Variants in RASIP1 observed in about 807,000 individuals in gnomAD.
RASIP1 encodes Ras interacting protein 1.
RASIP1 carries 20 observed loss-of-function variants against 85.3 expected under a neutral mutation model. That is an observed-to-expected ratio of 0.23 (90% confidence interval 0.17 to 0.34). The LOEUF (loss-of-function observed/expected upper bound fraction) is 0.34, where lower values mean the gene tolerates loss of function less well. RASIP1 is among the 10% of genes least tolerant of loss of function. The pLI is 1.00. For missense variants in RASIP1, 1,170 were observed against 1,390.9 expected (o/e 0.84, Z 2.53); for synonymous variants, 617 against 647.1 (o/e 0.95, Z 0.71).
In RASIP1 at chr19:48,740,277, C is replaced by T. The variant is rs757828023; in HGVS notation, c.6G>A (p.Leu2=). The T allele has an allele frequency of 1.3e-5, 21 of 1,584,536 alleles. No homozygotes were observed. In the Admixed American group the frequency reaches 3.9e-4, roughly 29 times the overall value. Residue 2 remains leucine, a synonymous_variant, in exon 2 of 12, where the codon CTG becomes CTA. Coordinates refer to ENST00000222145, the MANE Select transcript of RASIP1 (RefSeq NM_017805.3). The surrounding 1 kb of genome is among the most constrained non-coding windows in gnomAD (Gnocchi z 5.5). The part of the protein sequence containing the change: M[L]SGERKEGGSP... ...TTCCGCCCTCCTTCCGTTCACCAGACAGCATGGCCCTAAGGGAAGGCGGGT... is the reference window on the plus strand; with the variant it reads ...TTCCGCCCTCCTTCCGTTCACCAGATAGCATGGCCCTAAGGGAAGGCGGGT...
rs780598081 is a variant in RASIP1, at chr19:48,724,304, G to T, written c.2544+33C>A. On this transcript the variant is annotated intron_variant, in intron 10 of 11. Transcript: ENST00000222145. The surrounding 1 kb of genome is among the most constrained non-coding windows in gnomAD (Gnocchi z 4.6). ...GCTGAGGGGGGTTGAGGAGTCAGAG[G>T]TCAGGGGTCAGGTATAGCTGACCAG... 1 of 1,599,428 alleles carries T rather than the reference G, an allele frequency of 6.3e-7. No homozygotes were observed. The highest frequency in any genetic ancestry group is 1.7e-5 in the Admixed American group (1 of 59,212).
In RASIP1 at chr19:48,720,646, C is replaced by G; in HGVS notation, c.*152G>C. The G allele has an allele frequency of 1.2e-6, 1 of 812,088 alleles. No homozygotes were observed. 50.3% of individuals were successfully genotyped at this position (812,088 alleles called of 1,614,324 possible). ...TTCACATCCTAAGCCCATGCTCCCACCGTCCCATCCGCTACTTCCCGAAAA... is the reference window on the plus strand; with the variant it reads ...TTCACATCCTAAGCCCATGCTCCCAGCGTCCCATCCGCTACTTCCCGAAAA... On this transcript the variant is annotated 3_prime_UTR_variant, in exon 12 of 12. Transcript: ENST00000222145.
Position 48,721,080 on chromosome 19 carries a change from C to A in RASIP1, c.2693-83G>T, listed in dbSNP as rs929604478. ...CGGGAAGAGCCGAGGCTGCGTCACA[C>A]CCAAAGGAAGAAAAAAACTACAAAC... On this transcript the variant is annotated intron_variant, in intron 11 of 11. Transcript: ENST00000222145. 6.5e-6 allele frequency: 8 copies of A among 1,238,528 alleles called. No homozygotes were observed. In the East Asian group the frequency reaches 1.0e-4, roughly 16 times the overall value. The allele number at this position is 1,238,528 out of a possible 1,614,324, so 76.7% of individuals were successfully genotyped here.
intron 3 of RASIP1, among the ~76,000 whole-genome samples, chr19:48,735,884 C>T (rs2033561628): frequency 6.6e-6 from 1 of 151,842 alleles, no homozygotes; most frequent in Non-Finnish European, 1.5e-5. Flanking sequence ...CAACCTCTGC[C>T]TCCCAGGTTC....
In RASIP1 at chr19:48,729,246, C is replaced by T; in HGVS notation, c.1524G>A (p.Gly508=). ...ARPPWLPARP[G]ATPPGPGWAF... ...CCCAGCCAGGGCCTGGCGGCGTGGC[C>T]CCGGGGCGCGCGGGCAGCCACGGCG... Residue 508 remains glycine (G), a synonymous_variant, in exon 5 of 12, where the codon GGG becomes GGA. Transcript: ENST00000222145. The T allele has an allele frequency of 1.4e-6, 2 of 1,444,408 alleles. No individual in the cohort carries two copies. The highest frequency in any genetic ancestry group is 1.8e-6 in the Non-Finnish European group (2 of 1,104,920). 89.5% of individuals were successfully genotyped at this position (1,444,408 alleles called of 1,614,324 possible).
rs930073175 is a variant in RASIP1, at chr19:48,739,779, G to A, written c.138-134C>T. On this transcript the variant is annotated intron_variant, in intron 2 of 11. Coordinates refer to ENST00000222145, the MANE Select transcript of RASIP1 (RefSeq NM_017805.3). The surrounding 1 kb of genome is among the most constrained non-coding windows in gnomAD (Gnocchi z 9.2). ...ACAGGGACCCAGGGTGGATGGACGG[G>A]GCGGGGGTGAGGGTGGGGACAGACG... 114 of 892,956 alleles carry A rather than the reference G, an allele frequency of 1.3e-4. No individual in the cohort carries two copies. The highest frequency in any genetic ancestry group is 1.7e-4 in the Non-Finnish European group (108 of 645,486). The allele number at this position is 892,956 out of a possible 1,614,324, so 55.3% of individuals were successfully genotyped here. A position where few individuals can be genotyped will look rare whatever the true frequency, so the allele number is the denominator to read the frequency against.
chr19:48,724,804 C>T lies in RASIP1; in HGVS notation c.2284G>A (p.Glu762Lys), dbSNP rs773187933. Residue 762 changes from glutamate to lysine, a missense_variant, in exon 9 of 12, where the codon GAG (glutamate) becomes AAG (lysine). Glu to Lys is a moderately conservative substitution (Grantham distance 56). Transcript: ENST00000222145. The surrounding 1 kb of genome is among the most constrained non-coding windows in gnomAD (Gnocchi z 4.6). ...TGAGACACGAGGTCAGGGTGCAGCTCGCACTGGCTGGTCAGCTCCAAGGCT... is the reference window on the plus strand; with the variant it reads ...TGAGACACGAGGTCAGGGTGCAGCTTGCACTGGCTGGTCAGCTCCAAGGCT... Reference protein sequence around the residue: ...QAALELTSQCELHPDLVSQTF... With the variant: ...QAALELTSQCKLHPDLVSQTF... 4 of 1,614,214 alleles carry T rather than the reference C, an allele frequency of 2.5e-6. No individual in the cohort carries two copies. Among genetic ancestry groups the T allele is most frequent in the Non-Finnish European group, 3.4e-6 (4 of 1,180,042 alleles).
intron 3 of RASIP1, chr19:48,737,808 C>T: frequency 1.0e-6 from 1 of 984,516 alleles, no homozygotes; most frequent in Non-Finnish European, 1.2e-6. Flanking sequence ...AAGCCCCGCC[C>T]CACCACAGGC....
At position 48,740,420 on chromosome 19, in the gene RASIP1, G is replaced by T; in HGVS notation, c.-5+101C>A. 1 of 1,395,610 alleles carries T rather than the reference G, an allele frequency of 7.2e-7. No homozygotes were observed. The highest frequency in any genetic ancestry group is 9.4e-7 in the Non-Finnish European group (1 of 1,065,518). The allele number at this position is 1,395,610 out of a possible 1,614,324, so 86.5% of individuals were successfully genotyped here. ...GCGAGTCCAGGGGGAGGAGAGGGAT[G>T]GTACCCTGGATTCCTGGGTCCTGGG... On this transcript the variant is annotated intron_variant, in intron 1 of 11. Transcript: ENST00000222145. The surrounding 1 kb of genome is among the most constrained non-coding windows in gnomAD (Gnocchi z 5.5).
chr19:48,738,882 G>GCCCCCC lies in RASIP1; in HGVS notation c.823+77_823+78insGGGGGG. 3.3e-6 allele frequency: 3 copies of GCCCCCC among 897,208 alleles called. No individual in the cohort carries two copies. The highest frequency in any genetic ancestry group is 4.0e-6 in the Non-Finnish European group (3 of 752,372). The allele number at this position is 897,208 out of a possible 1,614,324, so 55.6% of individuals were successfully genotyped here. A position where few individuals can be genotyped will look rare whatever the true frequency, so the allele number is the denominator to read the frequency against. On this transcript the variant is annotated intron_variant, in intron 3 of 11. Transcript: ENST00000222145. This position sits in a 1 kb window ranked among gnomAD's most constrained non-coding sequence, Gnocchi z 4.0. ...CCCAGCCAGCCCGCGAGTCCCACAA[G>GCCCCCC]CCCCGCCCAGGCCCCGCCCCACGGA...
chr19:48,728,488 G>A (rs886830429), intron 5 of RASIP1, among the ~76,000 whole-genome samples: 3 of 152,152 alleles, frequency 2.0e-5, no homozygotes, highest in East Asian at 1.9e-4. Context: ...CCAAAACACC[G>A]GGTGTGGTGG....
chr19:48,740,366 G>C lies in RASIP1; in HGVS notation c.-4-80C>G, dbSNP rs1376032020. ...TGGAGGGAACCTGGACTCCGAGTCA[G>C]AGGGAGGAGGGGGCTGGGGCTCAGA... On this transcript the variant is annotated intron_variant, in intron 1 of 11. Coordinates refer to ENST00000222145, the MANE Select transcript of RASIP1 (RefSeq NM_017805.3). This position sits in a 1 kb window ranked among gnomAD's most constrained non-coding sequence, Gnocchi z 5.5. 3 of 1,493,640 alleles carry C rather than the reference G, an allele frequency of 2.0e-6. No homozygotes were observed. Among genetic ancestry groups the C allele is most frequent in the Non-Finnish European group, 1.8e-6 (2 of 1,116,814 alleles). 92.5% of individuals were successfully genotyped at this position (1,493,640 alleles called of 1,614,324 possible). A position where few individuals can be genotyped will look rare whatever the true frequency, so the allele number is the denominator to read the frequency against.
chr19:48,736,866 TCTCTA>T (rs1476593284), intron 3 of RASIP1, among the ~76,000 whole-genome samples: 5 of 151,956 alleles, frequency 3.3e-5, no homozygotes, highest in Non-Finnish European at 7.4e-5. Flanking sequence ...GAAACCCCCA[TCTCTA>T]CTCAAAATAC....
intron 4 of RASIP1, among the ~76,000 whole-genome samples, chr19:48,732,497 G>A (rs140325787): frequency 4.7e-4 from 72 of 151,850 alleles, no homozygotes; most frequent in African/African-American, 1.7e-3. Flanking sequence ...CTCGTGATCC[G>A]CCTGCCTCAG....
chr19:48,730,567 C>T (rs564317006), intron 4 of RASIP1, among the ~76,000 whole-genome samples: 1 of 152,288 alleles, frequency 6.6e-6, no homozygotes, highest in Admixed American at 6.5e-5. Context: ...TACCCTCACC[C>T]TCAAAGAATG....
At chr19:48,722,119 T>C (rs2033259005) in intron 10 of RASIP1, 118 bp from the exon 11 acceptor site, 1 of 996,648 alleles carries the variant, frequency 1.0e-6, no homozygotes, top group Middle Eastern at 2.8e-4. Context: ...CTCTGCAGTG[T>C]CTTCTGGGCA....
chr19:48,728,440 T>G (rs2033379677), intron 5 of RASIP1, among the ~76,000 whole-genome samples: 1 of 152,090 alleles, frequency 6.6e-6, no homozygotes, highest in African/African-American at 2.4e-5. Flanking sequence ...GATCTACATC[T>G]CCCAGCATTC....
rs1349472351 is a variant in RASIP1 at position 48,738,982 on chromosome 19, G to A, written c.801C>T (p.Ala267=). Residue 267 remains alanine (A), a synonymous_variant, in exon 3 of 12, where the codon GCC becomes GCT. Coordinates refer to ENST00000222145, the MANE Select transcript of RASIP1 (RefSeq NM_017805.3). The surrounding 1 kb of genome is among the most constrained non-coding windows in gnomAD (Gnocchi z 4.0). ...CACCTTCGCTGTCCGCGGCCCCGAA[G>A]GCCTCCTGCTCCAGGCGCCGCGCCT... ...REEARRLEQE[A]FGAADSEGTG... is the part of the protein sequence containing the mutation. The A allele has an allele frequency of 4.1e-6, 5 of 1,229,320 alleles. No homozygotes were observed. The highest frequency in any genetic ancestry group is 5.1e-6 in the Non-Finnish European group (5 of 988,694). The allele number at this position is 1,229,320 out of a possible 1,614,324, so 76.2% of individuals were successfully genotyped here.
Position 48,724,621 on chromosome 19 carries a change from C to T in RASIP1, c.2371+96G>A. 6.3e-7 allele frequency: 1 copy of T among 1,578,132 alleles called. No homozygotes were observed. The highest frequency in any genetic ancestry group is 8.6e-7 in the Non-Finnish European group (1 of 1,158,406). ...ATCTGGAGCTTGTTCTCCAGGGTAC[C>T]CAAAGGTGAGGCTTGAGCCCGTGGT... On this transcript the variant is annotated intron_variant, in intron 9 of 11. Transcript: ENST00000222145. This position sits in a 1 kb window ranked among gnomAD's most constrained non-coding sequence, Gnocchi z 4.6.
Sources: gnomAD v4.1 joint callset for allele counts (sites outside exome capture counted in the v4.1 genomes callset) on GRCh38, gnomAD v4.1.1 for gene constraint, Gnocchi (gnomAD v3.1) non-coding constraint, MANE v1.5 for transcripts, NCBI Gene and HGNC (gene_info 2026-07-23, HGNC 2026-07-21) for gene names.